SERPINA4: variants seen among roughly 807,000 people sequenced by gnomAD.
SERPINA4 encodes serpin family A member 4.
SERPINA4 carries 24 observed loss-of-function variants against 25.4 expected under a neutral mutation model. The ratio of observed to expected loss-of-function variants is 0.95; its 90% CI spans 0.69 to 1.33. The LOEUF (loss-of-function observed/expected upper bound fraction) is 1.33. Ranked by LOEUF, SERPINA4 falls within the 40% of genes most tolerant of loss-of-function variation. The probability of loss-of-function intolerance (pLI) is 0.00; values close to 1 mark genes in which losing one functional copy is unlikely to be tolerated. For missense variants in SERPINA4, 553 were observed against 535.8 expected (o/e 1.03, Z -0.32); for synonymous variants, 242 against 223.6 (o/e 1.08, Z -0.73).
rs757285900 is a variant in SERPINA4 at position 94,563,785 on chromosome 14, C to T, written c.303C>T (p.Ile101=). 1.3e-5 allele frequency: 21 copies of T among 1,614,166 alleles called. No individual in the cohort carries two copies. Among genetic ancestry groups the T allele is most frequent in the Non-Finnish European group, 1.7e-5 (20 of 1,180,044 alleles). The part of the protein sequence containing the change: ...LGACSHSRSQ[I]LEGLGFNLTE... ...CCTGCTCACACAGCCGCAGCCAGAT[C>T]CTTGAGGGCCTGGGCTTCAACCTCA... Residue 101 remains isoleucine, a synonymous_variant, in exon 2 of 5, where the codon ATC becomes ATT. Coordinates refer to ENST00000557004, the MANE Select transcript of SERPINA4 (RefSeq NM_006215.4).
At position 94,563,901 on chromosome 14, in the gene SERPINA4, G is replaced by C. The variant is rs758464001; in HGVS notation, c.419G>C (p.Gly140Ala). 2.5e-6 allele frequency: 4 copies of C among 1,614,184 alleles called. No homozygotes were observed. The South Asian group carries it at 4.4e-5, about 18-fold the overall frequency. ...LPGHGLETRV[G>A]SALFLSHNLK... ...GGCCATGGGCTGGAAACACGCGTGGGCAGTGCTCTGTTCCTGAGCCACAAC... is the reference window on the plus strand; with the variant it reads ...GGCCATGGGCTGGAAACACGCGTGGCCAGTGCTCTGTTCCTGAGCCACAAC... Residue 140 changes from glycine to alanine, a missense_variant, in exon 2 of 5, where the codon GGC becomes GCC. Coordinates refer to ENST00000557004, the MANE Select transcript of SERPINA4 (RefSeq NM_006215.4).
At chr14:94,567,299 T>G (rs1902251740) in intron 3 of SERPINA4, 56 bp downstream of exon 3, 1 of 1,534,210 alleles carries the variant, frequency 6.5e-7, no homozygotes, top group Non-Finnish European at 8.7e-7. Flanking sequence ...AATGTAACTT[T>G]CTAATGAAAG....
chr14:94,564,075 T>A lies in SERPINA4; in HGVS notation c.593T>A (p.Val198Asp). The A allele has an allele frequency of 6.2e-7, 1 of 1,605,694 alleles. No homozygotes were observed. Among genetic ancestry groups the A allele is most frequent in the Non-Finnish European group, 8.5e-7 (1 of 1,179,974 alleles). The change falls in exon 2 of 5, where the codon GTC becomes GAC. Residue 198 changes from valine (V) to aspartate (D), a missense_variant. Physicochemically the swap from Val to Asp is radical, Grantham distance 152. Coordinates refer to ENST00000557004, the MANE Select transcript of SERPINA4 (RefSeq NM_006215.4). ...ACTCGAGGGAAGATTGTGGATTTGG[T>A]CAGTGAGCTCAAGAAGGACGTCTTG... ...KETRGKIVDL[V>D]SELKKDVLMV...
chr14:94,569,571 G>C lies in SERPINA4; in HGVS notation c.1260G>C (p.Lys420Asn). The C allele has an allele frequency of 1.2e-6, 2 of 1,614,214 alleles. No individual in the cohort carries two copies. Among genetic ancestry groups the C allele is most frequent in the Non-Finnish European group, 1.7e-6 (2 of 1,180,040 alleles). Reference protein sequence around the residue: ...TSTQSVLFLGKVVDPTKP With the variant: ...TSTQSVLFLGNVVDPTKP ...CCCAGAGTGTCCTCTTTCTGGGCAA[G>C]GTCGTCGACCCCACGAAACCATAGC... Residue 420 changes from lysine (K) to asparagine (N), a missense_variant, in exon 5 of 5, where the codon AAG becomes AAC. By Grantham distance (94) the Lys-to-Asn change is moderately conservative. Transcript: ENST00000557004.
chr14:94,563,466 G>C lies in SERPINA4; in HGVS notation c.-17G>C. ...CTGGGCATTCTCTTCCCTCCCATAG[G>C]CCTGAGAGTGCAGAGGATGCATCTT... On this transcript the variant is annotated splice_region_variant and 5_prime_UTR_variant, in exon 2 of 5. Transcript: ENST00000557004. 1 of 1,600,590 alleles carries C rather than the reference G, an allele frequency of 6.2e-7. No individual in the cohort carries two copies. The highest frequency in any genetic ancestry group is 8.5e-7 in the Non-Finnish European group (1 of 1,171,400).
In SERPINA4 at chr14:94,567,150, T is replaced by C. The variant is rs1902244034; in HGVS notation, c.830T>C (p.Phe277Ser). 2.5e-6 allele frequency: 4 copies of C among 1,614,152 alleles called. No individual in the cohort carries two copies. Among genetic ancestry groups the C allele is most frequent in the Non-Finnish European group, 3.4e-6 (4 of 1,180,042 alleles). The change falls in exon 3 of 5, where the codon TTT (phenylalanine) becomes TCT (serine). Residue 277 changes from phenylalanine (F) to serine (S), a missense_variant. Physicochemically the swap from Phe to Ser is radical, Grantham distance 155. Coordinates refer to ENST00000557004, the MANE Select transcript of SERPINA4 (RefSeq NM_006215.4). ...RMDYKGDATV[F>S]FILPNQGKMR... ...GATTACAAAGGAGACGCAACCGTGT[T>C]TTTCATTCTCCCTAACCAAGGCAAA...
At position 94,569,799 on chromosome 14, in the gene SERPINA4, C is replaced by A; in HGVS notation, c.*204C>A. On this transcript the variant is annotated 3_prime_UTR_variant, in exon 5 of 5. Transcript: ENST00000557004. The stretch of plus-strand genomic sequence containing the variant: ...ATTCCACACCCTGGTGCTGTGCAGC[C>A]TCTGGCAGAGCATCCGACCTCTTGG... 1.7e-6 allele frequency: 1 copy of A among 604,498 alleles called. No individual in the cohort carries two copies. Among genetic ancestry groups the A allele is most frequent in the Non-Finnish European group, 2.9e-6 (1 of 343,682 alleles). The allele number at this position is 604,498 out of a possible 1,614,324, so 37.4% of individuals were successfully genotyped here.
In SERPINA4 at chr14:94,566,956, C is replaced by A. The variant is rs200306440; in HGVS notation, c.650-14C>A. Reference sequence around the variant, plus strand: ...CTGCAGATGTCCTGTACCTTCTTTTCATCTTCCCTTCAGCCCTGTGGGAGA... The same window carrying A: ...CTGCAGATGTCCTGTACCTTCTTTTAATCTTCCCTTCAGCCCTGTGGGAGA... On this transcript the variant is annotated splice_polypyrimidine_tract_variant and intron_variant, in intron 2 of 4. Transcript: ENST00000557004. 3.7e-6 allele frequency: 6 copies of A among 1,605,760 alleles called. No homozygotes were observed. Among genetic ancestry groups the A allele is most frequent in the Non-Finnish European group, 5.1e-6 (6 of 1,174,936 alleles).
rs1902114398 is a variant in SERPINA4 at position 94,563,840 on chromosome 14, G to A, written c.358G>A (p.Gly120Ser). 1.2e-6 allele frequency: 2 copies of A among 1,613,992 alleles called. No homozygotes were observed. Among genetic ancestry groups the A allele is most frequent in the East Asian group, 2.2e-5 (1 of 44,884 alleles). Residue 120 changes from glycine (G) to serine (S), a missense_variant, in exon 2 of 5, where the codon GGC becomes AGC. Gly to Ser is a moderately conservative substitution (Grantham distance 56). Coordinates refer to ENST00000557004, the MANE Select transcript of SERPINA4 (RefSeq NM_006215.4). ...TELSESDVHRGFQHLLHTLNL... is the reference protein window; with the variant it reads ...TELSESDVHRSFQHLLHTLNL... ...GCTGTCTGAGTCCGATGTCCATAGG[G>A]GCTTCCAGCACCTCCTGCACACTCT...
At chr14:94,567,320 A>G in intron 3 of SERPINA4, 77 bp downstream of exon 3, 1 of 1,483,780 alleles carries the variant, frequency 6.7e-7, no homozygotes, top group Non-Finnish European at 9.0e-7. Flanking sequence ...ACAGTGCCCC[A>G]AAATAGAGAG....
chr14:94,568,058 A>G, intron 3 of SERPINA4, 71 bp from the exon 4 acceptor site: 1 of 1,527,408 alleles, frequency 6.5e-7, no homozygotes, highest in Non-Finnish European at 9.0e-7. Flanking sequence ...AGGGCCACCA[A>G]GGAGGGCTCT....
intron 2 of SERPINA4, among the ~76,000 whole-genome samples, chr14:94,564,619 A>G (rs1356403790): frequency 3.9e-5 from 6 of 152,216 alleles, no homozygotes; most frequent in African/African-American, 1.4e-4. Context: ...ATAAAGTTTT[A>G]TTGGCACACA....
chr14:94,562,085 A>T (rs1172551624), intron 1 of SERPINA4, among the ~76,000 whole-genome samples: 1 of 152,248 alleles, frequency 6.6e-6, no homozygotes, highest in Non-Finnish European at 1.5e-5. Context: ...ATGAAAAATC[A>T]ATAGAAGAAC....
At chr14:94,566,916 G>A (rs1595065846) in intron 2 of SERPINA4, 54 bp from the exon 3 acceptor site, 2 of 1,557,924 alleles carry the variant, frequency 1.3e-6, no homozygotes, top group Non-Finnish European at 1.7e-6. Context: ...CTGGCTGGAG[G>A]ACTAGCTCTG....
intron 1 of SERPINA4, chr14:94,561,795 TGGC>T: frequency 7.8e-7 from 1 of 1,289,834 alleles, no homozygotes; most frequent in Middle Eastern, 2.1e-4. Context: ...CAAGGTCTTC[TGGC>T]TGCCAATCCA....
In SERPINA4 at chr14:94,563,809, C is replaced by T; in HGVS notation, c.327C>T (p.Leu109=). ...TCCTTGAGGGCCTGGGCTTCAACCT[C>T]ACCGAGCTGTCTGAGTCCGATGTCC... ...SQILEGLGFN[L]TELSESDVHR... The change falls in exon 2 of 5, where the codon CTC becomes CTT. Residue 109 remains leucine (L), a synonymous_variant. Coordinates refer to ENST00000557004, the MANE Select transcript of SERPINA4 (RefSeq NM_006215.4). 1.2e-6 allele frequency: 2 copies of T among 1,614,232 alleles called. No homozygotes were observed. Among genetic ancestry groups the T allele is most frequent in the Non-Finnish European group, 1.7e-6 (2 of 1,180,050 alleles).
chr14:94,566,958 T>C lies in SERPINA4; in HGVS notation c.650-12T>C. The stretch of plus-strand genomic sequence containing the variant: ...GCAGATGTCCTGTACCTTCTTTTCA[T>C]CTTCCCTTCAGCCCTGTGGGAGAAA... On this transcript the variant is annotated splice_polypyrimidine_tract_variant and intron_variant, in intron 2 of 4. Transcript: ENST00000557004. 6.2e-7 allele frequency: 1 copy of C among 1,606,914 alleles called. No homozygotes were observed. Among genetic ancestry groups the C allele is most frequent in the South Asian group, 1.1e-5 (1 of 90,252 alleles).
intron 4 of SERPINA4, among the ~76,000 whole-genome samples, chr14:94,569,013 G>A (rs1266499544): frequency 1.3e-5 from 2 of 152,178 alleles, no homozygotes; most frequent in Non-Finnish European, 2.9e-5. Flanking sequence ...AGGGGGTAGA[G>A]CCTTGGGTTC....
chr14:94,561,741 C>A (rs992394016), intron 1 of SERPINA4: 1 of 1,289,644 alleles, frequency 7.8e-7, no homozygotes, highest in African/African-American at 1.5e-5. Flanking sequence ...GAAAAGCCTC[C>A]CCCAGGGACA....
Sources: allele counts gnomAD v4.1 joint callset (sites outside exome capture counted in the v4.1 genomes callset), GRCh38; gene constraint gnomAD v4.1.1; transcripts MANE v1.5; gene names NCBI Gene and HGNC (gene_info 2026-07-23, HGNC 2026-07-21).